Variants in MBD4 observed in about 807,000 individuals in gnomAD.
MBD4 encodes the protein methyl-CpG-binding domain protein 4.
MBD4 carries 53 observed loss-of-function variants against 60.2 expected under a neutral mutation model. The observed-to-expected ratio is 0.88, with a 90% CI of 0.71 to 1.11. MBD4 has a LOEUF of 1.11. Among genes scored for constraint, MBD4 ranks in the 50% least tolerant of loss-of-function variants. The pLI is 0.00. For synonymous variants in MBD4, 231 were observed against 229.8 expected, an observed-to-expected ratio of 1.01 and a Z score of -0.05; for missense variants, 619 against 674.0, an observed-to-expected ratio of 0.92 and a Z score of 0.90.
chr3:129,437,285 G>C lies in MBD4; in HGVS notation c.359C>G (p.Ser120Cys), dbSNP rs2072484690. The C allele has an allele frequency of 6.2e-7, 1 of 1,607,676 alleles. No homozygotes were observed. Among genetic ancestry groups the C allele is most frequent in the Admixed American group, 1.7e-5 (1 of 59,936 alleles). ...FISPQGLKFR[S>C]KSSLANYLHK... is the part of the protein sequence containing the mutation. ...AAGATAATTAGCAAGTGAACTTTTG[G>C]ATCTGAACTTCAGTCCTTGTGGGCT... The change falls in exon 3 of 8, where the codon TCC becomes TGC. Residue 120 changes from serine to cysteine, a missense_variant. By Grantham distance (112) the Ser-to-Cys change is moderately radical (BLOSUM62 -1). Transcript: ENST00000429544.
intron 3 of MBD4, 131 bp from the exon 4 acceptor site, chr3:129,434,267 C>A (rs1251367114): frequency 1.5e-5 from 11 of 742,850 alleles, no homozygotes; most frequent in Non-Finnish European, 2.1e-5. Flanking sequence ...ACATAAATAC[C>A]CAATTAATCT....
At chr3:129,435,734 A>T (rs2072445612) in intron 3 of MBD4, among the ~76,000 whole-genome samples, 1 of 152,244 alleles carries the variant, frequency 6.6e-6, no homozygotes, top group African/African-American at 2.4e-5. Flanking sequence ...TCATTATACC[A>T]TAATGGCATA....
At chr3:129,434,929 T>C (rs1435900904) in intron 3 of MBD4, among the ~76,000 whole-genome samples, 1 of 152,202 alleles carries the variant, frequency 6.6e-6, no homozygotes. Flanking sequence ...ATTTCTAAAA[T>C]CACATGTAAT....
rs538634778 is a variant in MBD4, at chr3:129,436,397, A to G, written c.1183+64T>C. On this transcript the variant is annotated intron_variant, in intron 3 of 7. Coordinates refer to ENST00000429544, the MANE Select transcript of MBD4 (RefSeq NM_001276270.2). Reference sequence around the variant, plus strand: ...ACGAATACAAGATGCAGCATTATAAATTTCTCATCACATAATGTTTAATAG... The same window carrying G: ...ACGAATACAAGATGCAGCATTATAAGTTTCTCATCACATAATGTTTAATAG... 1.0e-4 allele frequency: 164 copies of G among 1,595,662 alleles called. No homozygotes were observed. The South Asian group carries it at 1.7e-3, about 16-fold the overall frequency.
rs1169081738 is a variant in MBD4 at position 129,437,136 on chromosome 3, G to C, written c.508C>G (p.Gln170Glu). The C allele has an allele frequency of 3.2e-5, 52 of 1,613,800 alleles. No homozygotes were observed. The highest frequency in any genetic ancestry group is 4.2e-5 in the Non-Finnish European group (50 of 1,179,894). The change falls in exon 3 of 8, where the codon CAA (glutamine) becomes GAA (glutamate). Residue 170 changes from glutamine to glutamate, a missense_variant. Coordinates refer to ENST00000429544, the MANE Select transcript of MBD4 (RefSeq NM_001276270.2). ...AGGTTCCAGTTTGAATTGTTACTTT[G>C]GTTTTGTAGATGGGATGTCAGGGCT... ...MAALTSHLQN[Q>E]SNNSNWNLRT...
chr3:129,436,436 T>C lies in MBD4; in HGVS notation c.1183+25A>G. The C allele has an allele frequency of 1.2e-6, 2 of 1,613,502 alleles. No individual in the cohort carries two copies. Among genetic ancestry groups the C allele is most frequent in the Non-Finnish European group, 8.5e-7 (1 of 1,179,938 alleles). The stretch of plus-strand genomic sequence containing the variant: ...AATGTTTAATAGTGCTTGAAAGCAC[T>C]GGATACCTTGAAATATTTTCTCACC... On this transcript the variant is annotated intron_variant, in intron 3 of 7. Coordinates refer to ENST00000429544, the MANE Select transcript of MBD4 (RefSeq NM_001276270.2).
intron 1 of MBD4, among the ~76,000 whole-genome samples, chr3:129,438,618 A>G (rs1032215726): frequency 2.0e-5 from 3 of 152,124 alleles, no homozygotes; most frequent in African/African-American, 7.2e-5. Flanking sequence ...GTTATTGAAA[A>G]AAGCTGGCAA....
Position 129,437,185 on chromosome 3 carries a change from T to C in MBD4, c.459A>G (p.Ser153=), listed in dbSNP as rs775351581. Residue 153 remains serine (S), a synonymous_variant, in exon 3 of 8, where the codon TCA becomes TCG. Transcript: ENST00000429544. ...FTVLSKRGIK[S]RYKDCSMAAL... is the part of the protein sequence containing the mutation. ...CTGCCATGCTGCAGTCTTTATATCT[T>C]GACTTGATACCCCTTTTAGAAAGTA... The C allele has an allele frequency of 6.2e-7, 1 of 1,614,036 alleles. No homozygotes were observed.
At position 129,431,563 on chromosome 3, in the gene MBD4, G is replaced by A; in HGVS notation, c.1663C>T (p.His555Tyr). ...CAGTCATGATATTTATTTAATTTGT[G>A]GTCTTCAGGGTGCACCTGGAAGAAA... Reference protein sequence around the residue: ...NEWKQVHPEDHKLNKYHDWLW... With the variant: ...NEWKQVHPEDYKLNKYHDWLW... The change falls in exon 8 of 8, where the codon CAC (histidine) becomes TAC (tyrosine). Residue 555 changes from histidine to tyrosine, a missense_variant. Coordinates refer to ENST00000429544, the MANE Select transcript of MBD4 (RefSeq NM_001276270.2). 6.2e-7 allele frequency: 1 copy of A among 1,611,718 alleles called. No homozygotes were observed. The highest frequency in any genetic ancestry group is 8.5e-7 in the Non-Finnish European group (1 of 1,179,044).
intron 3 of MBD4, among the ~76,000 whole-genome samples, chr3:129,435,989 A>T (rs2072451905): frequency 6.6e-6 from 1 of 152,246 alleles, no homozygotes; most frequent in Non-Finnish European, 1.5e-5. Context: ...AGTCACACTT[A>T]GTAGTAAGTA....
At chr3:129,432,641 C>T in intron 6 of MBD4, 35 bp from the exon 7 acceptor site, 1 of 1,598,888 alleles carries the variant, frequency 6.3e-7, no homozygotes, top group African/African-American at 1.3e-5. Flanking sequence ...ATCAGGTCAG[C>T]TTCTAAAGAC....
At position 129,431,928 on chromosome 3, in the gene MBD4, C is replaced by A. The variant is rs902323788; in HGVS notation, c.1648-350G>T. 4.6e-5 allele frequency among the ~76,000 whole-genome samples: 7 copies of A among 152,160 alleles called. No homozygotes were observed. The South Asian group carries it at 1.4e-3, about 31-fold the overall frequency. ...GTCACAATGGATTGCTCTGATGAAG[C>A]TGGGATAGGACCATGGTCCTTCAGT... On this transcript the variant is annotated intron_variant, in intron 7 of 7. Transcript: ENST00000429544.
chr3:129,439,281 C>G (rs1435929461), intron 1 of MBD4, among the ~76,000 whole-genome samples: 2 of 152,144 alleles, frequency 1.3e-5, no homozygotes, highest in Non-Finnish European at 2.9e-5. Context: ...GACTGGGGCT[C>G]AAATTCCAGC....
In MBD4 at chr3:129,432,609, G is replaced by A. The variant is rs968086619; in HGVS notation, c.1544-3C>T. On this transcript the variant is annotated splice_polypyrimidine_tract_variant and splice_region_variant and intron_variant, in intron 6 of 7. Transcript: ENST00000429544. ...CCACTGCTTTGTCAGGTATTCATCT[G>A]AAGAATACAACATCCCACATTATCA... The A allele has an allele frequency of 3.7e-6, 6 of 1,613,906 alleles. No individual in the cohort carries two copies. In the Admixed American group the frequency reaches 5.0e-5, roughly 13 times the overall value.
intron 1 of MBD4, among the ~76,000 whole-genome samples, chr3:129,438,451 A>G (rs2107760002): frequency 6.6e-6 from 1 of 152,320 alleles, no homozygotes; most frequent in East Asian, 1.9e-4. Context: ...AGAATTTTTG[A>G]ATCTTCTTCA....
rs1049042552 is a variant in MBD4, at chr3:129,431,505, G to A, written c.1721C>T (p.Ser574Phe). The change falls in exon 8 of 8, where the codon TCT becomes TTT. Residue 574 changes from serine to phenylalanine, a missense_variant. Ser to Phe is a radical substitution (Grantham distance 155). Transcript: ENST00000429544. ...TGAGCTTGAAAGCTGCAGAGTTTAA[G>A]ATAGACTTAATTTTTCATGATTTTC... ...LWENHEKLSL[S>F] 1.2e-6 allele frequency: 2 copies of A among 1,612,562 alleles called. No individual in the cohort carries two copies. Among genetic ancestry groups the A allele is most frequent in the African/African-American group, 2.7e-5 (2 of 75,010 alleles).
chr3:129,432,739 G>A, intron 6 of MBD4, 133 bp from the exon 7 acceptor site: 2 of 852,586 alleles, frequency 2.3e-6, no homozygotes, highest in South Asian at 2.8e-5. Flanking sequence ...CCCCAGTTGT[G>A]ATTACTCTTC....
intron 1 of MBD4, 36 bp downstream of exon 1, chr3:129,439,694 G>T: frequency 8.1e-7 from 1 of 1,240,452 alleles, no homozygotes; most frequent in Non-Finnish European, 1.2e-6. Context: ...TTTTACAGGT[G>T]GTGAAACTGA....
Position 129,436,634 on chromosome 3 carries a change from C to G in MBD4, c.1010G>C (p.Cys337Ser), listed in dbSNP as rs376792650. ...GTTGTGTTCTGAGTCTTTGGCTGAA[C>G]AAAATTTGTTTATGATGCCAGAAGT... ...QKTSGIINKF[C>S]SAKDSEHNEK... The change falls in exon 3 of 8, where the codon TGT becomes TCT. Residue 337 changes from cysteine (C) to serine (S), a missense_variant. Cys to Ser is a moderately radical substitution (Grantham distance 112). Transcript: ENST00000429544. The G allele has an allele frequency of 6.2e-7, 1 of 1,613,932 alleles. No homozygotes were observed. Among genetic ancestry groups the G allele is most frequent in the Admixed American group, 1.7e-5 (1 of 59,996 alleles).
Sources: allele counts gnomAD v4.1 joint callset (sites outside exome capture counted in the v4.1 genomes callset), GRCh38; gene constraint gnomAD v4.1.1; transcripts MANE v1.5; gene names NCBI Gene and HGNC (gene_info 2026-07-23, HGNC 2026-07-21).